SPAG16: variants seen among roughly 807,000 people sequenced by gnomAD.
The protein encoded by SPAG16 is sperm associated antigen 16, also known as sperm-associated antigen 16 protein.
Under a neutral mutation model 80.4 loss-of-function variants are expected in SPAG16, and 86 were observed. The observed-to-expected ratio is 1.07, with a 90% CI of 0.90 to 1.28. SPAG16 has a LOEUF of 1.28. Among genes scored for constraint, SPAG16 ranks in the 50% most tolerant of loss-of-function variants. The pLI is 0.00. For synonymous variants in SPAG16, 294 were observed against 265.9 expected, an observed-to-expected ratio of 1.11 and a Z score of -1.03; for missense variants, 870 against 765.3, an observed-to-expected ratio of 1.14 and a Z score of -1.61.
chr2:214,037,212 T>A (rs2048743496), intron 13 of SPAG16, among the ~76,000 whole-genome samples: 2 of 144,332 alleles, frequency 1.4e-5, no homozygotes, highest in Non-Finnish European at 3.1e-5. Context: ...ATAGTATGTA[T>A]ACTTTAATAT....
At chr2:213,408,808 G>A (rs2068805532) in intron 9 of SPAG16, among the ~76,000 whole-genome samples, 1 of 152,116 alleles carries the variant, frequency 6.6e-6, no homozygotes, top group African/African-American at 2.4e-5. Context: ...AACAGAACCA[G>A]GAAGGAACCA....
intron 15 of SPAG16, among the ~76,000 whole-genome samples, chr2:214,376,525 T>C (rs1049410412): frequency 2.0e-5 from 3 of 152,092 alleles, no homozygotes; most frequent in African/African-American, 7.2e-5. Context: ...TTCAAAATAA[T>C]AGGACCAAAA....
chr2:214,205,363 A>G (rs1454421173), intron 15 of SPAG16, among the ~76,000 whole-genome samples: 2 of 152,250 alleles, frequency 1.3e-5, no homozygotes, highest in Non-Finnish European at 2.9e-5. Flanking sequence ...CAAAACATTT[A>G]AGTTGATAAT....
At chr2:213,778,837 T>G (rs1274247059) in intron 10 of SPAG16, among the ~76,000 whole-genome samples, 1 of 152,200 alleles carries the variant, frequency 6.6e-6, no homozygotes. Flanking sequence ...TAATGAATTT[T>G]TTTCAGTTCC....
intron 14 of SPAG16, among the ~76,000 whole-genome samples, chr2:214,141,296 G>A (rs879313629): frequency 1.1e-4 from 16 of 151,710 alleles, no homozygotes; most frequent in Non-Finnish European, 2.1e-4. Flanking sequence ...GTGAAACTCC[G>A]TCTCTACTAA....
chr2:213,359,944 A>G (rs193025573), intron 7 of SPAG16, among the ~76,000 whole-genome samples: 31 of 152,322 alleles, frequency 2.0e-4, no homozygotes, highest in Admixed American at 9.8e-4. Flanking sequence ...TAATTTCTTG[A>G]TATCTAATAT....
intron 12 of SPAG16, among the ~76,000 whole-genome samples, chr2:213,970,647 T>G (rs751990987): frequency 3.2e-4 from 49 of 152,332 alleles, no homozygotes; most frequent in Non-Finnish European, 5.7e-4. Context: ...TGAACATGAC[T>G]GGGCATATGT....
At chr2:213,888,665 A>G (rs1295078213) in intron 11 of SPAG16, among the ~76,000 whole-genome samples, 1 of 151,928 alleles carries the variant, frequency 6.6e-6, no homozygotes, top group Non-Finnish European at 1.5e-5. Flanking sequence ...ATGTTTTTCT[A>G]AGGCAAAGAA....
intron 5 of SPAG16, among the ~76,000 whole-genome samples, chr2:213,319,336 A>G (rs2063524659): frequency 6.6e-6 from 1 of 151,976 alleles, no homozygotes; most frequent in African/African-American, 2.4e-5. Context: ...ATGGCAGTAA[A>G]TAATTTGTAT....
chr2:214,062,895 ACTGT>A (rs1371626825), intron 13 of SPAG16, among the ~76,000 whole-genome samples: 4 of 152,116 alleles, frequency 2.6e-5, no homozygotes, highest in African/African-American at 7.2e-5. Context: ...CTAGCTCAGC[ACTGT>A]CTAATGATGA....
At chr2:214,097,436 G>C (rs2052666170) in intron 13 of SPAG16, among the ~76,000 whole-genome samples, 2 of 152,032 alleles carry the variant, frequency 1.3e-5, no homozygotes, top group African/African-American at 4.8e-5. Context: ...AGTACAGAAG[G>C]TTCTGTGGAC....
At chr2:213,810,468 A>G (rs1318283604) in intron 10 of SPAG16, among the ~76,000 whole-genome samples, 1 of 152,218 alleles carries the variant, frequency 6.6e-6, no homozygotes, top group African/African-American at 2.4e-5. Context: ...AAGATAAGAC[A>G]TTATAAGAGA....
intron 13 of SPAG16, among the ~76,000 whole-genome samples, chr2:214,094,886 C>T (rs2052477827): frequency 6.6e-6 from 1 of 152,044 alleles, no homozygotes; most frequent in East Asian, 1.9e-4. Context: ...CCAGGTGCAT[C>T]ATCCACACCT....
chr2:213,980,710 G>GTATATATATATATATATA (rs1320481683), intron 12 of SPAG16, among the ~76,000 whole-genome samples: 4 of 117,236 alleles, frequency 3.4e-5, no homozygotes, highest in Non-Finnish European at 5.1e-5. Context: ...GTGTGTGTGT[G>GTATATATATATATATATA]TGTATATATA....
chr2:213,841,397 T>C (rs942580818), intron 10 of SPAG16, among the ~76,000 whole-genome samples: 12 of 152,224 alleles, frequency 7.9e-5, no homozygotes, highest in African/African-American at 2.7e-4. Flanking sequence ...TAATTGCTTT[T>C]GCATTTTCCT....
chr2:213,820,767 T>C (rs1435905097), intron 10 of SPAG16, among the ~76,000 whole-genome samples: 1 of 152,096 alleles, frequency 6.6e-6, no homozygotes, highest in African/African-American at 2.4e-5. Flanking sequence ...TAATAGTAAA[T>C]GACATTTGTG....
At chr2:213,634,420 GT>G (rs1480419031) in intron 10 of SPAG16, among the ~76,000 whole-genome samples, 1 of 151,908 alleles carries the variant, frequency 6.6e-6, no homozygotes, top group Non-Finnish European at 1.5e-5. Context: ...TTGGTTCATT[GT>G]TTAATCTTTC....
At position 213,833,556 on chromosome 2, in the gene SPAG16, TA is replaced by T. The variant is rs2073897048; in HGVS notation, c.1071-28927del. ...TTATATATAATATATATAATATATA[TA>T]ATATATATAATATATATATAATATA... On this transcript the variant is annotated intron_variant, in intron 10 of 15. Transcript: ENST00000331683. Among the ~76,000 whole-genome samples, 22 of 5,790 alleles carry T rather than the reference TA, an allele frequency of 3.8e-3. 5 individuals are homozygous for T. The highest frequency in any genetic ancestry group is 0.015 in the South Asian group (2 of 136). 3.8% of individuals were successfully genotyped at this position (5,790 alleles called of 152,430 possible).
chr2:214,355,877 C>T (rs1698758641), intron 15 of SPAG16, among the ~76,000 whole-genome samples: 2 of 150,924 alleles, frequency 1.3e-5, no homozygotes, highest in African/African-American at 4.9e-5. Flanking sequence ...TTTGTAGGGA[C>T]ATGGATGAAA....
Sources: allele counts gnomAD v4.1 joint callset (sites outside exome capture counted in the v4.1 genomes callset), GRCh38; gene constraint gnomAD v4.1.1; transcripts MANE v1.5; gene names NCBI Gene and HGNC (gene_info 2026-07-23, HGNC 2026-07-21).